The following RASGRF1 variants were observed in gnomAD, a reference collection of about 807,000 sequenced individuals.
The protein encoded by RASGRF1 is ras-specific guanine nucleotide-releasing factor 1.
Under a neutral mutation model 138.7 loss-of-function variants are expected in RASGRF1, and 40 were observed. That is an observed-to-expected ratio of 0.29 (90% CI 0.22 to 0.38). RASGRF1 has a LOEUF of 0.38. RASGRF1 is among the 10% of genes least tolerant of loss of function. The probability of loss-of-function intolerance (pLI) is 1.00; values close to 1 mark genes in which losing one functional copy is unlikely to be tolerated. For synonymous variants in RASGRF1, 614 were observed against 663.2 expected (o/e 0.93, Z 1.14); for missense variants, 1,108 against 1,650.4 (o/e 0.67, Z 5.69).
intron 1 of RASGRF1, among the ~76,000 whole-genome samples, chr15:79,065,003 G>T (rs2057658207): frequency 6.6e-6 from 1 of 152,218 alleles, no homozygotes; most frequent in African/African-American, 2.4e-5. Context: ...AGCCACCTCT[G>T]TGTTGGGTGC....
intron 24 of RASGRF1, among the ~76,000 whole-genome samples, chr15:78,974,318 C>T (rs11072822): frequency 0.14 from 21,839 of 152,184 alleles, 1,688 homozygotes; most frequent in African/African-American, 0.2. Context: ...GTGGCATCAT[C>T]GAGCACAGTG....
In RASGRF1 at chr15:79,073,148, A is replaced by C. The variant is rs1009881109; in HGVS notation, c.277-8622T>G. Reference sequence around the variant, plus strand: ...ATATGTGATCAAGGATATAGGATACATTCAGATACAGGACCCGAGTCCAAG... The same window carrying C: ...ATATGTGATCAAGGATATAGGATACCTTCAGATACAGGACCCGAGTCCAAG... On this transcript the variant is annotated intron_variant, in intron 1 of 26. Transcript: ENST00000558480. This position sits in a 1 kb window ranked among gnomAD's most constrained non-coding sequence, Gnocchi z 4.2. Among the ~76,000 whole-genome samples the C allele has an allele frequency of 2.0e-5, 3 of 152,052 alleles. No homozygotes were observed. Among genetic ancestry groups the C allele is most frequent in the African/African-American group, 7.2e-5 (3 of 41,386 alleles).
chr15:79,072,717 C>G (rs1340189157), intron 1 of RASGRF1, among the ~76,000 whole-genome samples: 1 of 152,188 alleles, frequency 6.6e-6, no homozygotes, highest in Non-Finnish European at 1.5e-5. Flanking sequence ...AGCTGAACTC[C>G]CACCTGAGCT....
At chr15:78,974,747 C>T (rs1004741238) in intron 24 of RASGRF1, among the ~76,000 whole-genome samples, 8 of 152,338 alleles carry the variant, frequency 5.3e-5, no homozygotes, top group African/African-American at 1.9e-4. Flanking sequence ...CAACAGGTGT[C>T]AGAATCAGAG....
At chr15:79,049,849 T>C (rs1211761398) in intron 3 of RASGRF1, among the ~76,000 whole-genome samples, 1 of 152,078 alleles carries the variant, frequency 6.6e-6, no homozygotes, top group Non-Finnish European at 1.5e-5. Context: ...CCAACCAGAG[T>C]GACCTTGGAC....
intron 14 of RASGRF1, 144 bp from the exon 15 acceptor site, chr15:79,004,319 C>A: frequency 8.9e-7 from 1 of 1,125,816 alleles, no homozygotes; most frequent in Non-Finnish European, 1.2e-6. Context: ...TTGAGCTGAT[C>A]CTCTGAGCAG....
chr15:79,001,773 T>C lies in RASGRF1; in HGVS notation c.2464A>G (p.Met822Val), dbSNP rs1469432963. Residue 822 changes from methionine to valine, a missense_variant, in exon 16 of 27, where the codon ATG becomes GTG. By Grantham distance (21) the Met-to-Val change is conservative. Around this residue, in one of 3 missense-constraint regions of RASGRF1, gnomAD observed 686 missense variants for 976.7 expected, o/e 0.70. Transcript: ENST00000558480. ...ALSKQSSEVS[M>V]REESDIDQNQ... is the part of the protein sequence containing the mutation. ...TGATCAATATCTGACTCCTCTCTCA[T>C]GGAGACTTCTGAGCCTGGGAGAAAA... The C allele has an allele frequency of 2.6e-6, 4 of 1,559,438 alleles. No individual in the cohort carries two copies. The highest frequency in any genetic ancestry group is 2.3e-5 in the East Asian group (1 of 42,904).
chr15:78,979,075 C>T (rs759089676), intron 24 of RASGRF1: 20 of 1,290,038 alleles, frequency 1.6e-5, no homozygotes, highest in East Asian at 1.1e-4. Flanking sequence ...AGTGGTGCCC[C>T]GGGGGCGGAC....
chr15:78,970,501 T>C (rs2055731325), intron 26 of RASGRF1, among the ~76,000 whole-genome samples: 1 of 151,392 alleles, frequency 6.6e-6, no homozygotes, highest in Non-Finnish European at 1.5e-5. Context: ...ACAAAGTCCC[T>C]GATCCCAGCT....
chr15:79,067,355 T>C (rs557974364), intron 1 of RASGRF1, among the ~76,000 whole-genome samples: 1 of 152,202 alleles, frequency 6.6e-6, no homozygotes, highest in Admixed American at 6.5e-5. Context: ...CTAGGTTCTT[T>C]GCACACACCA....
chr15:79,065,668 G>C (rs745496850), intron 1 of RASGRF1, among the ~76,000 whole-genome samples: 1 of 152,008 alleles, frequency 6.6e-6, no homozygotes, highest in Admixed American at 6.6e-5. Context: ...AAACTGGGAG[G>C]AGAGAGGCAG....
intron 13 of RASGRF1, among the ~76,000 whole-genome samples, chr15:79,015,086 C>G (rs1004792415): frequency 1.3e-5 from 2 of 151,658 alleles, no homozygotes; most frequent in Admixed American, 6.6e-5. Context: ...ACCTGTTCCA[C>G]AAAACCTATG....
intron 16 of RASGRF1, among the ~76,000 whole-genome samples, chr15:79,000,703 A>T (rs768179290): frequency 2.5e-4 from 38 of 152,202 alleles, no homozygotes; most frequent in Non-Finnish European, 2.1e-4. Flanking sequence ...ACTGAAGACA[A>T]AATAGCAGTA....
intron 10 of RASGRF1, among the ~76,000 whole-genome samples, chr15:79,020,990 C>A (rs957555812): frequency 5.3e-5 from 8 of 152,158 alleles, no homozygotes; most frequent in Admixed American, 5.2e-4. Context: ...CACCAACTGG[C>A]ATGTTGTGGG....
rs763048533 is a variant in RASGRF1 at position 79,015,392 on chromosome 15, T to C, written c.1761A>G (p.Arg587=). 1 of 1,613,878 alleles carries C rather than the reference T, an allele frequency of 6.2e-7. No individual in the cohort carries two copies. The highest frequency in any genetic ancestry group is 8.5e-7 in the Non-Finnish European group (1 of 1,179,728). Residue 587 remains arginine, a synonymous_variant, in exon 13 of 27, where the codon CGA becomes CGG. Coordinates refer to ENST00000558480, the MANE Select transcript of RASGRF1 (RefSeq NM_001145648.3). ...ATGCGTTCATCATGAGCCCATTGCATCGGATGTTATCCACACACTGGAATC... is the reference window on the plus strand; with the variant it reads ...ATGCGTTCATCATGAGCCCATTGCACCGGATGTTATCCACACACTGGAATC... ...SDISQCVDNI[R]CNGLMMNAFE...
intron 1 of RASGRF1, among the ~76,000 whole-genome samples, chr15:79,071,030 C>A (rs2057748357): frequency 6.6e-6 from 1 of 152,218 alleles, no homozygotes; most frequent in Non-Finnish European, 1.5e-5. Flanking sequence ...GGTCTCCAGC[C>A]CCGGGAGAGC....
chr15:79,053,243 C>T (rs554648549), intron 3 of RASGRF1, among the ~76,000 whole-genome samples: 12 of 151,828 alleles, frequency 7.9e-5, no homozygotes, highest in Non-Finnish European at 1.2e-4. Flanking sequence ...CCAGCCTGGG[C>T]GACAAGATCG....
intron 3 of RASGRF1, among the ~76,000 whole-genome samples, chr15:79,049,918 A>G (rs189953096): frequency 7.9e-5 from 12 of 152,204 alleles, no homozygotes; most frequent in African/African-American, 2.9e-4. Flanking sequence ...AATTTGGCCT[A>G]AATCTGTGGT....
At chr15:79,090,022 C>A (rs1032046658) in intron 1 of RASGRF1, among the ~76,000 whole-genome samples, 2 of 152,224 alleles carry the variant, frequency 1.3e-5, no homozygotes, top group Non-Finnish European at 2.9e-5. Context: ...TACTCCCCGC[C>A]CTCAATCCCT....
Sources: allele counts gnomAD v4.1 joint callset (sites outside exome capture counted in the v4.1 genomes callset), GRCh38; gene constraint gnomAD v4.1.1; regional missense constraint gnomAD v4.1.1; non-coding constraint Gnocchi (gnomAD v3.1); transcripts MANE v1.5; gene names NCBI Gene and HGNC (gene_info 2026-07-23, HGNC 2026-07-21).